APBB1IP: variants seen among roughly 807,000 people sequenced by gnomAD.
APBB1IP encodes amyloid beta precursor protein binding family B member 1 interacting protein.
APBB1IP carries 27 observed loss-of-function variants against 64.9 expected under a neutral mutation model. The ratio of observed to expected loss-of-function variants is 0.42; its 90% confidence interval spans 0.31 to 0.57. APBB1IP has a LOEUF of 0.57. APBB1IP is among the 20% of genes least tolerant of loss of function. The pLI, the probability that APBB1IP is intolerant of heterozygous loss-of-function variation, is 0.20. For synonymous variants in APBB1IP, 392 were observed against 331.0 expected, an observed-to-expected ratio of 1.18 and a Z score of -2.00; for missense variants, 812 against 845.5, an observed-to-expected ratio of 0.96 and a Z score of 0.49.
chr10:26,513,824 C>T (rs1046282064), intron 8 of APBB1IP, among the ~76,000 whole-genome samples, 164 bp downstream of exon 8: 3 of 152,164 alleles, frequency 2.0e-5, no homozygotes, highest in African/African-American at 7.2e-5. Flanking sequence ...CCTCCGCCTC[C>T]TGGGTTCAAG....
chr10:26,468,343 C>T (rs1324071194), intron 2 of APBB1IP, among the ~76,000 whole-genome samples: 1 of 152,144 alleles, frequency 6.6e-6, no homozygotes, highest in Non-Finnish European at 1.5e-5. Context: ...AGACTTTAAA[C>T]TTTATTGATT....
At chr10:26,466,673 T>C (rs1417964698) in intron 2 of APBB1IP, among the ~76,000 whole-genome samples, 1 of 152,112 alleles carries the variant, frequency 6.6e-6, no homozygotes, top group Non-Finnish European at 1.5e-5. Context: ...TGGTGGTACA[T>C]ACCTGTAGTC....
rs1056538445 is a variant in APBB1IP at position 26,438,459 on chromosome 10, G to A, written c.-203+4G>A. 3 of 91,482 alleles carry A rather than the reference G, an allele frequency of 3.3e-5. No individual in the cohort carries two copies. The highest frequency in any genetic ancestry group is 1.1e-4 in the Admixed American group (1 of 9,040). 5.7% of individuals were successfully genotyped at this position (91,482 alleles called of 1,614,324 possible). A position where few individuals can be genotyped will look rare whatever the true frequency, so the allele number is the denominator to read the frequency against. On this transcript the variant is annotated splice_donor_region_variant and intron_variant, in intron 1 of 14. Transcript: ENST00000376236. The stretch of plus-strand genomic sequence containing the variant: ...GAGAAGGGCGCGCGCGGCACAGGTA[G>A]GGGGAGGCGCAACGTTTCCCAGAAT...
rs1253954541 is a variant in APBB1IP at position 26,450,986 on chromosome 10, G to A, written c.-1+12133G>A. ...GTTGGGATTATAGGCGTGAGCCACC[G>A]TGCCTGGCCTAGAACTCAGATTCTG... On this transcript the variant is annotated intron_variant, in intron 2 of 14. Transcript: ENST00000376236. Among the ~76,000 whole-genome samples, 3 of 152,216 alleles carry A rather than the reference G, an allele frequency of 2.0e-5. No homozygotes were observed. The East Asian group carries it at 5.8e-4, about 29-fold the overall frequency.
intron 3 of APBB1IP, 130 bp from the exon 4 acceptor site, chr10:26,496,174 T>G: frequency 3.5e-6 from 2 of 571,886 alleles, no homozygotes; most frequent in South Asian, 6.4e-5. Flanking sequence ...CAAGTTACCA[T>G]ATGGTTTTCA....
chr10:26,445,170 AAGAAAG>A (rs1835382479), intron 2 of APBB1IP, among the ~76,000 whole-genome samples: 1 of 150,302 alleles, frequency 6.7e-6, no homozygotes, highest in Admixed American at 6.7e-5. Context: ...GAAAGAAAGA[AAGAAAG>A]AAAGAAAGAA....
At chr10:26,508,505 T>C (rs1227086209) in intron 6 of APBB1IP, among the ~76,000 whole-genome samples, 1 of 152,066 alleles carries the variant, frequency 6.6e-6, no homozygotes, top group Non-Finnish European at 1.5e-5. Context: ...TTATAAAAGT[T>C]ATAAAATCTT....
intron 2 of APBB1IP, among the ~76,000 whole-genome samples, chr10:26,458,210 A>G (rs1026186618): frequency 1.3e-5 from 2 of 152,214 alleles, no homozygotes; most frequent in African/African-American, 4.8e-5. Flanking sequence ...CAACACGGTG[A>G]AACCGCGTCT....
At chr10:26,486,507 G>A (rs1416390085) in intron 2 of APBB1IP, among the ~76,000 whole-genome samples, 2 of 152,186 alleles carry the variant, frequency 1.3e-5, no homozygotes, top group African/African-American at 4.8e-5. Flanking sequence ...GAGAATGCAT[G>A]AAGGGGAGTA....
intron 2 of APBB1IP, among the ~76,000 whole-genome samples, chr10:26,480,807 C>A (rs925213735): frequency 6.6e-6 from 1 of 151,376 alleles, no homozygotes; most frequent in Non-Finnish European, 1.5e-5. Context: ...TGACATAGTG[C>A]AAACAAAAGT....
chr10:26,543,279 C>T (rs370157561), intron 11 of APBB1IP, among the ~76,000 whole-genome samples: 1 of 151,838 alleles, frequency 6.6e-6, no homozygotes, highest in East Asian at 1.9e-4. Flanking sequence ...CCGTACTGGC[C>T]AACATGGTGA....
intron 11 of APBB1IP, among the ~76,000 whole-genome samples, chr10:26,555,890 G>A (rs1026681673): frequency 2.0e-5 from 3 of 152,120 alleles, no homozygotes; most frequent in Non-Finnish European, 4.4e-5. Flanking sequence ...TGAGCCACGG[G>A]GCCCTGCCTC....
intron 4 of APBB1IP, among the ~76,000 whole-genome samples, chr10:26,499,739 A>T (rs1296017165): frequency 6.6e-6 from 1 of 152,124 alleles, no homozygotes; most frequent in Admixed American, 6.5e-5. Flanking sequence ...GTAATCTCAC[A>T]CCTGGAAGAA....
At position 26,486,011 on chromosome 10, in the gene APBB1IP, C is replaced by G. The variant is rs376247718; in HGVS notation, c.1-6316C>G. 1.7e-4 allele frequency among the ~76,000 whole-genome samples: 26 copies of G among 152,276 alleles called. No individual in the cohort carries two copies. The East Asian group carries it at 2.7e-3, about 16-fold the overall frequency. On this transcript the variant is annotated intron_variant, in intron 2 of 14. Coordinates refer to ENST00000376236, the MANE Select transcript of APBB1IP (RefSeq NM_019043.4). ...TTGGGAGGTGGAGGTGCGAGGATCA[C>G]TTGAGCCCAGGAGTTTGAGACCTGC... is the stretch of plus-strand genomic sequence containing the variant.
intron 2 of APBB1IP, among the ~76,000 whole-genome samples, chr10:26,464,841 A>G (rs1835630716): frequency 1.3e-5 from 2 of 152,246 alleles, no homozygotes; most frequent in African/African-American, 2.4e-5. Flanking sequence ...CAGTTACCAC[A>G]TTCACACCTA....
At chr10:26,460,698 G>T (rs1438248175) in intron 2 of APBB1IP, among the ~76,000 whole-genome samples, 1 of 152,202 alleles carries the variant, frequency 6.6e-6, no homozygotes, top group Admixed American at 6.5e-5. Context: ...ACTAATGCAG[G>T]AACGGAAAAC....
intron 8 of APBB1IP, among the ~76,000 whole-genome samples, chr10:26,522,004 G>T (rs752255535): frequency 4.6e-5 from 7 of 152,038 alleles, no homozygotes; most frequent in Non-Finnish European, 1.0e-4. Context: ...GCCCACCTCG[G>T]CCTCCCAAAG....
chr10:26,544,146 G>T (rs916739947), intron 11 of APBB1IP, among the ~76,000 whole-genome samples: 2 of 152,202 alleles, frequency 1.3e-5, no homozygotes, highest in Admixed American at 6.5e-5. Context: ...ACAAAGCATC[G>T]CCCACTACCC....
chr10:26,471,777 T>G (rs1395333088), intron 2 of APBB1IP, among the ~76,000 whole-genome samples: 1 of 152,018 alleles, frequency 6.6e-6, no homozygotes, highest in Non-Finnish European at 1.5e-5. Context: ...CTCCGCCTCC[T>G]GGGTTCAAGC....
Sources: gnomAD v4.1 joint callset for allele counts (sites outside exome capture counted in the v4.1 genomes callset) on GRCh38, gnomAD v4.1.1 for gene constraint, MANE v1.5 for transcripts, NCBI Gene and HGNC (gene_info 2026-07-23, HGNC 2026-07-21) for gene names.